Variants in ATRX observed in about 807,000 individuals in gnomAD.
The protein encoded by ATRX is ATRX chromatin remodeler.
ATRX carries 12 observed loss-of-function variants against 172.6 expected under a neutral mutation model. The observed-to-expected ratio is 0.07, with a 90% confidence interval of 0.04 to 0.11. ATRX has a LOEUF of 0.11. Among genes scored for constraint, ATRX ranks in the 10% least tolerant of loss-of-function variants. The pLI is 1.00. For synonymous variants in ATRX, 674 were observed against 594.7 expected (o/e 1.13, Z -1.94); for missense variants, 1,368 against 1,767.4 (o/e 0.77, Z 4.05).
At chrX:77,761,789 T>G (rs2075725516) in intron 1 of ATRX, among the ~76,000 whole-genome samples, 1 of 111,329 alleles carries the variant, frequency 9.0e-6, no homozygotes, top group Non-Finnish European at 1.9e-5. Flanking sequence ...TGGTAACCTT[T>G]AACCAATATC....
chrX:77,518,130 T>A (rs2063114932), intron 34 of ATRX, among the ~76,000 whole-genome samples: 1 of 112,074 alleles, frequency 8.9e-6, no homozygotes, highest in Admixed American at 9.5e-5. Context: ...TGCCAGCTTT[T>A]ACCACTGTTA....
chrX:77,509,724 G>A (rs1370251177), intron 34 of ATRX, among the ~76,000 whole-genome samples: 9 of 111,230 alleles, frequency 8.1e-5, no homozygotes, highest in Non-Finnish European at 1.3e-4. Context: ...CACCCACAGA[G>A]GGAGCATTTA....
chrX:77,621,589 G>C lies in ATRX; in HGVS notation c.5135-1057C>G, dbSNP rs781928186. On this transcript the variant is annotated intron_variant, in intron 19 of 34. Coordinates refer to ENST00000373344, the MANE Select transcript of ATRX (RefSeq NM_000489.6). The stretch of plus-strand genomic sequence containing the variant: ...GGCCTCCCAAGTGCTGGGATTACCG[G>C]CATAAGCCACCACGCCCAGCTGATA... Among the ~76,000 whole-genome samples, 10 of 112,431 alleles carry C rather than the reference G, an allele frequency of 8.9e-5. No individual in the cohort carries two copies. The East Asian group carries it at 2.8e-3, about 32-fold the overall frequency.
At chrX:77,600,294 C>G in intron 23 of ATRX, 140 bp downstream of exon 23, 1 of 727,951 alleles carries the variant, frequency 1.4e-6, no homozygotes, top group Non-Finnish European at 2.1e-6. Flanking sequence ...ATAATACATG[C>G]AAGACATATA....
At position 77,508,455 on chromosome X, in the gene ATRX, T is replaced by C; in HGVS notation, c.7375A>G (p.Met2459Val). The C allele has an allele frequency of 8.3e-7, 1 of 1,211,607 alleles. No homozygotes were observed. The highest frequency in any genetic ancestry group is 1.1e-6 in the Non-Finnish European group (1 of 895,423). ...ATACCACCAGCCACTGGCTGATACA[T>C]TCCTCTCATATCAATCTGCTGGTAG... ...SNYQQIDMRG[M>V]YQPVAGGMQP... Residue 2459 changes from methionine to valine, a missense_variant, in exon 35 of 35, where the codon ATG (methionine) becomes GTG (valine). Transcript: ENST00000373344.
intron 30 of ATRX, among the ~76,000 whole-genome samples, chrX:77,539,161 G>C (rs1221682923): frequency 9.0e-6 from 1 of 110,505 alleles, no homozygotes; most frequent in Admixed American, 9.7e-5. Flanking sequence ...CTAAAGTGCT[G>C]GGATTACAGG....
chrX:77,528,450 G>T (rs2063469480), intron 30 of ATRX, among the ~76,000 whole-genome samples: 1 of 111,268 alleles, frequency 9.0e-6, no homozygotes, highest in Admixed American at 9.5e-5. Context: ...TCCTGACTGG[G>T]TGAGATCTTC....
chrX:77,753,878 C>T (rs2075390005), intron 1 of ATRX, among the ~76,000 whole-genome samples: 1 of 111,051 alleles, frequency 9.0e-6, no homozygotes, highest in African/African-American at 3.3e-5. Flanking sequence ...GCTGAGTTCA[C>T]GTCCTGAATA....
At chrX:77,631,816 A>T (rs2068118633) in intron 19 of ATRX, among the ~76,000 whole-genome samples, 1 of 111,626 alleles carries the variant, frequency 9.0e-6, no homozygotes, top group African/African-American at 3.3e-5. Context: ...GGTGCAATAC[A>T]AATGCAGTTT....
At chrX:77,640,447 G>C (rs2068598879) in intron 15 of ATRX, among the ~76,000 whole-genome samples, 1 of 110,661 alleles carries the variant, frequency 9.0e-6, no homozygotes, top group African/African-American at 3.3e-5. Context: ...TCCCATATCT[G>C]AATTGAAGGG....
intron 15 of ATRX, among the ~76,000 whole-genome samples, chrX:77,642,942 A>T (rs2068726102): frequency 9.0e-6 from 1 of 111,389 alleles, no homozygotes; most frequent in African/African-American, 3.3e-5. Context: ...TAACCCAGGC[A>T]ACATAGCAAG....
intron 19 of ATRX, among the ~76,000 whole-genome samples, chrX:77,631,442 G>T (rs2068103360): frequency 9.0e-6 from 1 of 110,850 alleles, no homozygotes. Flanking sequence ...ACAGATGAGG[G>T]ACAGGTAAAA....
At chrX:77,688,638 T>C (rs1442143496) in intron 7 of ATRX, among the ~76,000 whole-genome samples, 180 bp downstream of exon 7, 1 of 111,873 alleles carries the variant, frequency 8.9e-6, no homozygotes, top group Non-Finnish European at 1.9e-5. Flanking sequence ...GCTCCCATAA[T>C]CACAGTATCT....
intron 26 of ATRX, among the ~76,000 whole-genome samples, chrX:77,590,576 C>T (rs2066204565): frequency 1.0e-5 from 1 of 99,624 alleles, no homozygotes; most frequent in African/African-American, 3.7e-5. Context: ...CGCACCACTG[C>T]ACTCCAGCTT....
At chrX:77,768,480 T>C (rs782532009) in intron 1 of ATRX, among the ~76,000 whole-genome samples, 3 of 112,465 alleles carry the variant, frequency 2.7e-5, no homozygotes, top group Non-Finnish European at 3.8e-5. Context: ...AGCTGACTTT[T>C]TTAGTACAGA....
rs1267491523 is a variant in ATRX at position 77,723,245 on chromosome X, G to A, written c.21-6002C>T. Among the ~76,000 whole-genome samples the A allele has an allele frequency of 2.5e-4, 28 of 111,216 alleles. No homozygotes were observed. The Admixed American group carries it at 2.7e-3, about 11-fold the overall frequency. ...TACGTAATGTAGATGACGGGTTGAT[G>A]GGTGCAGCAAACCACCATGGCACGT... On this transcript the variant is annotated intron_variant, in intron 1 of 34. Transcript: ENST00000373344.
chrX:77,771,524 T>C (rs1468992436), intron 1 of ATRX, among the ~76,000 whole-genome samples: 2 of 110,377 alleles, frequency 1.8e-5, no homozygotes, highest in African/African-American at 6.6e-5. Flanking sequence ...CATAACCCGT[T>C]CCACCACCTA....
At chrX:77,743,718 C>T (rs1363632676) in intron 1 of ATRX, among the ~76,000 whole-genome samples, 1 of 111,500 alleles carries the variant, frequency 9.0e-6, no homozygotes, top group Non-Finnish European at 1.9e-5. Context: ...TAAACTATGC[C>T]ATGCCAGTTG....
chrX:77,671,814 A>G (rs1843807759), intron 10 of ATRX, among the ~76,000 whole-genome samples: 1 of 110,482 alleles, frequency 9.1e-6, no homozygotes, highest in African/African-American at 3.3e-5. Flanking sequence ...TTATTTTCTG[A>G]AAGTCCCAAT....
Sources: allele counts gnomAD v4.1 joint callset (sites outside exome capture counted in the v4.1 genomes callset), GRCh38; gene constraint gnomAD v4.1.1; transcripts MANE v1.5; gene names NCBI Gene and HGNC (gene_info 2026-07-23, HGNC 2026-07-21).